Variants in LSM14B observed in about 807,000 individuals in gnomAD.
LSM14B encodes LSM family member 14B.
LSM14B carries 8 observed loss-of-function variants against 42.1 expected under a neutral mutation model. That is an observed-to-expected ratio of 0.19 (90% CI 0.11 to 0.34). LSM14B has a LOEUF of 0.34. Ranked by LOEUF, LSM14B falls within the 10% of genes least tolerant of loss-of-function variation. The pLI is 1.00. For missense variants in LSM14B, 396 were observed against 513.1 expected (o/e 0.77, Z 2.21); for synonymous variants, 219 against 209.7 (o/e 1.04, Z -0.38).
At chr20:62,131,687 G>A (rs747852699) in intron 7 of LSM14B, among the ~76,000 whole-genome samples, 181 bp downstream of exon 7, 1 of 152,176 alleles carries the variant, frequency 6.6e-6, no homozygotes, top group Non-Finnish European at 1.5e-5. Flanking sequence ...GAAGCCTCTT[G>A]GGGATCCCGA....
chr20:62,128,187 C>T (rs1330139585), intron 3 of LSM14B, among the ~76,000 whole-genome samples: 1 of 152,204 alleles, frequency 6.6e-6, no homozygotes, highest in Non-Finnish European at 1.5e-5. Context: ...AGCCTGATGG[C>T]CAGCTGGCCA....
intron 2 of LSM14B, 156 bp from the exon 3 acceptor site, chr20:62,126,148 C>T: frequency 1.0e-6 from 1 of 971,394 alleles, no homozygotes; most frequent in African/African-American, 1.6e-5. Context: ...CAGCTCTCAC[C>T]ATACTGGAAA....
intron 1 of LSM14B, among the ~76,000 whole-genome samples, chr20:62,123,871 A>G (rs1194479650): frequency 6.6e-6 from 1 of 152,216 alleles, no homozygotes; most frequent in African/African-American, 2.4e-5. Flanking sequence ...ACTTGCAGCC[A>G]TGGAACCTCA....
chr20:62,135,110 C>G lies in LSM14B; in HGVS notation c.*962C>G, dbSNP rs899820322. On this transcript the variant is annotated 3_prime_UTR_variant, in exon 9 of 9. Transcript: ENST00000279068. ...GTGGGTGGAGGGAGGGTGGGGTCTA[C>G]ATTTGTTGCATGAGTCGATGGGTCA... The G allele has an allele frequency of 6.6e-6, 1 of 152,222 alleles. No individual in the cohort carries two copies. Among genetic ancestry groups the G allele is most frequent in the Non-Finnish European group, 1.5e-5 (1 of 68,034 alleles). The allele number at this position is 152,222 out of a possible 1,614,324, so 9.4% of individuals were successfully genotyped here.
chr20:62,127,435 C>G lies in LSM14B; in HGVS notation c.427+996C>G, dbSNP rs114655019. The G allele has an allele frequency of 3.5e-3, 2,183 of 632,494 alleles. 36 individuals are homozygous for G. Among genetic ancestry groups the G allele is most frequent in the African/African-American group, 0.034 (1,855 of 54,780 alleles). The allele number at this position is 632,494 out of a possible 1,614,324, so 39.2% of individuals were successfully genotyped here. A position where few individuals can be genotyped will look rare whatever the true frequency, so the allele number is the denominator to read the frequency against. ...CTAGTGTGACAGGCGGCCTTCCCAG[C>G]CCAGCTCTCTGGGTTTCTAAAACGT... On this transcript the variant is annotated intron_variant, in intron 3 of 8. Coordinates refer to ENST00000279068, the MANE Select transcript of LSM14B (RefSeq NM_144703.3).
chr20:62,122,623 G>C lies in LSM14B; in HGVS notation c.-44G>C, dbSNP rs535389394. The C allele has an allele frequency of 4.1e-6, 5 of 1,216,086 alleles. No individual in the cohort carries two copies. In the East Asian group the frequency reaches 1.7e-4, roughly 42 times the overall value. 75.3% of individuals were successfully genotyped at this position (1,216,086 alleles called of 1,614,324 possible). A position where few individuals can be genotyped will look rare whatever the true frequency, so the allele number is the denominator to read the frequency against. ...GCGGCGGCGGAGCGGGCCGCGGCCCGGCGCTCCTTCCCCACCGCGGCCCGA... is the reference window on the plus strand; with the variant it reads ...GCGGCGGCGGAGCGGGCCGCGGCCCCGCGCTCCTTCCCCACCGCGGCCCGA... On this transcript the variant is annotated 5_prime_UTR_variant, in exon 1 of 9. Coordinates refer to ENST00000279068, the MANE Select transcript of LSM14B (RefSeq NM_144703.3). The surrounding 1 kb of genome is among the most constrained non-coding windows in gnomAD (Gnocchi z 4.6).
intron 2 of LSM14B, among the ~76,000 whole-genome samples, chr20:62,126,058 C>G (rs890640835): frequency 6.6e-6 from 1 of 151,798 alleles, no homozygotes; most frequent in African/African-American, 2.4e-5. Context: ...AATACTCTTT[C>G]AAAAAACAAA....
chr20:62,133,356 G>C lies in LSM14B; in HGVS notation c.1053G>C (p.Arg351Ser), dbSNP rs1243602725. The stretch of plus-strand genomic sequence containing the variant: ...CAGAGACCTTTGGGGTGTCAGGGAG[G>C]TTTCTTCGTGGCCGCAGTTCTCGGG... ...LNTETFGVSG[R>S]FLRGRSSRGG... Residue 351 changes from arginine (R) to serine (S), a missense_variant, in exon 8 of 9, where the codon AGG (arginine) becomes AGC (serine). Coordinates refer to ENST00000279068, the MANE Select transcript of LSM14B (RefSeq NM_144703.3). 2 of 1,613,490 alleles carry C rather than the reference G, an allele frequency of 1.2e-6. No individual in the cohort carries two copies. Among genetic ancestry groups the C allele is most frequent in the Non-Finnish European group, 1.7e-6 (2 of 1,179,628 alleles).
At chr20:62,123,718 A>G (rs1003871182) in intron 1 of LSM14B, among the ~76,000 whole-genome samples, 1 of 152,234 alleles carries the variant, frequency 6.6e-6, no homozygotes, top group Non-Finnish European at 1.5e-5. Flanking sequence ...TGAAGTGTCT[A>G]GACGCGTCTG....
rs994468691 is a variant in LSM14B, at chr20:62,122,567, GGA to G, written c.-98_-97del. 13 of 865,600 alleles carry G rather than the reference GGA, an allele frequency of 1.5e-5. 1 individual carries two copies. The African/African-American group carries it at 2.4e-4, about 16-fold the overall frequency. The allele number at this position is 865,600 out of a possible 1,614,324, so 53.6% of individuals were successfully genotyped here. A position where few individuals can be genotyped will look rare whatever the true frequency, so the allele number is the denominator to read the frequency against. On this transcript the variant is annotated 5_prime_UTR_variant, in exon 1 of 9. Coordinates refer to ENST00000279068, the MANE Select transcript of LSM14B (RefSeq NM_144703.3). This position sits in a 1 kb window ranked among gnomAD's most constrained non-coding sequence, Gnocchi z 4.6. ...CCAGGCGGAGGCGGCGGCGGGCGGA[GGA>G]GCGCAGGAGCGGGCGGCCAGGCCAC...
chr20:62,125,392 G>A (rs1169048535), intron 2 of LSM14B, among the ~76,000 whole-genome samples: 1 of 152,240 alleles, frequency 6.6e-6, no homozygotes, highest in Non-Finnish European at 1.5e-5. Context: ...GATGTTTCGG[G>A]CATAGCGTTT....
rs759774182 is a variant in LSM14B, at chr20:62,122,637, A to G, written c.-30A>G. 4.6e-5 allele frequency: 60 copies of G among 1,313,240 alleles called. No homozygotes were observed. The highest frequency in any genetic ancestry group is 5.7e-5 in the Non-Finnish European group (57 of 1,007,202). 81.3% of individuals were successfully genotyped at this position (1,313,240 alleles called of 1,614,324 possible). A position where few individuals can be genotyped will look rare whatever the true frequency, so the allele number is the denominator to read the frequency against. ...GGCCGCGGCCCGGCGCTCCTTCCCCACCGCGGCCCGACGCACCCCGGCCGC... is the reference window on the plus strand; with the variant it reads ...GGCCGCGGCCCGGCGCTCCTTCCCCGCCGCGGCCCGACGCACCCCGGCCGC... On this transcript the variant is annotated 5_prime_UTR_variant, in exon 1 of 9. Transcript: ENST00000279068. This position sits in a 1 kb window ranked among gnomAD's most constrained non-coding sequence, Gnocchi z 4.6.
At chr20:62,131,613 T>C (rs2056768922) in intron 7 of LSM14B, 107 bp downstream of exon 7, 3 of 1,391,234 alleles carry the variant, frequency 2.2e-6, no homozygotes, top group African/African-American at 1.4e-5. Context: ...TCAGGGTAGC[T>C]GTTCTAGGGT....
intron 3 of LSM14B, chr20:62,127,871 T>C: frequency 1.4e-6 from 1 of 716,852 alleles, no homozygotes. Context: ...GAACTCTCAG[T>C]GTTAAAGAAG....
In LSM14B at chr20:62,122,904, C is replaced by A. The variant is rs2056445254; in HGVS notation, c.127+111C>A. The A allele has an allele frequency of 4.8e-6, 5 of 1,043,660 alleles. No homozygotes were observed. Among genetic ancestry groups the A allele is most frequent in the Non-Finnish European group, 1.2e-6 (1 of 816,366 alleles). The allele number at this position is 1,043,660 out of a possible 1,614,324, so 64.6% of individuals were successfully genotyped here. On this transcript the variant is annotated intron_variant, in intron 1 of 8. Transcript: ENST00000279068. The surrounding 1 kb of genome is among the most constrained non-coding windows in gnomAD (Gnocchi z 4.6). Reference sequence around the variant, plus strand: ...CGGAGCCTGGCGCCCAGACCCCGCCCAGAACCCACCCAGGGCACACCCGGC... The same window carrying A: ...CGGAGCCTGGCGCCCAGACCCCGCCAAGAACCCACCCAGGGCACACCCGGC...
At chr20:62,128,723 A>G (rs537583781) in intron 3 of LSM14B, among the ~76,000 whole-genome samples, 6 of 152,368 alleles carry the variant, frequency 3.9e-5, no homozygotes, top group Non-Finnish European at 8.8e-5. Context: ...GCCCGGGTGC[A>G]TTCCCGCCAG....
intron 3 of LSM14B, among the ~76,000 whole-genome samples, chr20:62,129,285 T>C (rs1478635053): frequency 6.6e-6 from 1 of 152,220 alleles, no homozygotes; most frequent in Non-Finnish European, 1.5e-5. Context: ...TGTTGTAGAA[T>C]TTAACTTCAG....
intron 3 of LSM14B, among the ~76,000 whole-genome samples, chr20:62,127,087 T>G (rs1165177053): frequency 6.6e-6 from 1 of 152,248 alleles, no homozygotes; most frequent in Non-Finnish European, 1.5e-5. Flanking sequence ...TCTAGCTGTT[T>G]GCACATTTAT....
At chr20:62,128,164 G>T (rs1600930051) in intron 3 of LSM14B, 2 of 350,808 alleles carry the variant, frequency 5.7e-6, no homozygotes, top group African/African-American at 2.1e-5. Context: ...TGTTTGGCCA[G>T]GTGGACAGTA....
Sources: allele counts gnomAD v4.1 joint callset (sites outside exome capture counted in the v4.1 genomes callset), GRCh38; gene constraint gnomAD v4.1.1; non-coding constraint Gnocchi (gnomAD v3.1); transcripts MANE v1.5; gene names NCBI Gene and HGNC (gene_info 2026-07-23, HGNC 2026-07-21).